Variants in MCUR1 observed in about 807,000 individuals in gnomAD.
MCUR1 encodes the protein mitochondrial calcium uniporter regulator 1.
A neutral mutation model predicts 42.0 loss-of-function variants in MCUR1; 37 were observed. The ratio of observed to expected loss-of-function variants is 0.88; its 90% CI spans 0.68 to 1.16. The LOEUF is 1.16. Ranked by LOEUF, MCUR1 falls within the 50% of genes most tolerant of loss-of-function variation. The pLI, the probability that MCUR1 is intolerant of heterozygous loss-of-function variation, is 0.00. For missense variants in MCUR1, 469 were observed against 468.4 expected (o/e 1.00, Z -0.01); for synonymous variants, 229 against 196.2 (o/e 1.17, Z -1.40).
chr6:13,801,821 C>A (rs765243891), intron 3 of MCUR1, among the ~76,000 whole-genome samples: 3 of 152,088 alleles, frequency 2.0e-5, no homozygotes, highest in Non-Finnish European at 4.4e-5. Flanking sequence ...CCACTGCACT[C>A]CAGCCTGGGC....
At chr6:13,811,406 G>A (rs977455225) in intron 1 of MCUR1, among the ~76,000 whole-genome samples, 1 of 152,086 alleles carries the variant, frequency 6.6e-6, no homozygotes, top group African/African-American at 2.4e-5. Flanking sequence ...CTGTCTAGAG[G>A]GAAAATTTGA....
chr6:13,800,288 TA>T (rs1759962095), intron 5 of MCUR1, 52 bp downstream of exon 5: 1 of 1,196,980 alleles, frequency 8.4e-7, no homozygotes, highest in African/African-American at 1.6e-5. Flanking sequence ...TTATACTTAT[TA>T]ATAAGTTTAT....
chr6:13,812,502 C>T (rs543085782), intron 1 of MCUR1, among the ~76,000 whole-genome samples: 1 of 152,270 alleles, frequency 6.6e-6, no homozygotes, highest in South Asian at 2.1e-4. Flanking sequence ...GAGAGAAAAA[C>T]AAATTGGAAA....
intron 1 of MCUR1, among the ~76,000 whole-genome samples, chr6:13,811,373 C>A (rs1364042927): frequency 6.6e-6 from 1 of 151,920 alleles, no homozygotes; most frequent in East Asian, 1.9e-4. Context: ...ACTGTAATGA[C>A]TTCTACAATC....
At chr6:13,810,281 A>T (rs1164985043) in intron 1 of MCUR1, among the ~76,000 whole-genome samples, 1 of 152,202 alleles carries the variant, frequency 6.6e-6, no homozygotes, top group African/African-American at 2.4e-5. Flanking sequence ...GAACTTTTAA[A>T]TATAGCTGCT....
chr6:13,793,125 C>CA (rs781438643), intron 7 of MCUR1, among the ~76,000 whole-genome samples: 15,352 of 87,720 alleles, frequency 0.18, 1,361 homozygotes, highest in East Asian at 0.34. Context: ...GACCCCACCT[C>CA]AAAAAAAAAA....
intron 5 of MCUR1, among the ~76,000 whole-genome samples, chr6:13,799,271 G>A (rs1024333067): frequency 2.7e-5 from 4 of 149,808 alleles, no homozygotes; most frequent in Non-Finnish European, 5.9e-5. Context: ...CGCAACTTCT[G>A]CCTCCTGCGT....
rs186612425 is a variant in MCUR1 at position 13,788,842 on chromosome 6, T to C, written c.*1967A>G. The C allele has an allele frequency of 8.5e-5, 13 of 152,376 alleles. No individual in the cohort carries two copies. The highest frequency in any genetic ancestry group is 1.0e-4 in the Non-Finnish European group (7 of 68,040). The allele number at this position is 152,376 out of a possible 1,614,324, so 9.4% of individuals were successfully genotyped here. ...GCAAAAGTACTTGATTTTCATACTA[T>C]ATGGAGCTCACAATCTTTGGACTAC... On this transcript the variant is annotated 3_prime_UTR_variant, in exon 9 of 9. Coordinates refer to ENST00000379170, the MANE Select transcript of MCUR1 (RefSeq NM_001031713.4).
rs1195296702 is a variant in MCUR1, at chr6:13,798,939, C to G, written c.784-35G>C. ...GGGCAAACAACAAAGAAGGAAAAATCCAAAGTAAGAAACCCAAACTCTATG... is the reference window on the plus strand; with the variant it reads ...GGGCAAACAACAAAGAAGGAAAAATGCAAAGTAAGAAACCCAAACTCTATG... On this transcript the variant is annotated intron_variant, in intron 5 of 8. Coordinates refer to ENST00000379170, the MANE Select transcript of MCUR1 (RefSeq NM_001031713.4). The G allele has an allele frequency of 2.3e-6, 3 of 1,328,498 alleles. No individual in the cohort carries two copies. The African/African-American group carries it at 4.3e-5, about 19-fold the overall frequency. The allele number at this position is 1,328,498 out of a possible 1,614,324, so 82.3% of individuals were successfully genotyped here.
In MCUR1 at chr6:13,786,759, TAC is replaced by T. The variant is rs1395476457; in HGVS notation, c.*4048_*4049del. The T allele has an allele frequency of 2.0e-5, 3 of 152,190 alleles. No individual in the cohort carries two copies. Among genetic ancestry groups the T allele is most frequent in the Admixed American group, 2.0e-4 (3 of 15,266 alleles). 9.4% of individuals were successfully genotyped at this position (152,190 alleles called of 1,614,324 possible). On this transcript the variant is annotated 3_prime_UTR_variant, in exon 9 of 9. Coordinates refer to ENST00000379170, the MANE Select transcript of MCUR1 (RefSeq NM_001031713.4). ...TAAATATTTTAGATAGTAAGAATCT[TAC>T]ACTTTATTAGATAATAAAACATAAT...
chr6:13,811,660 G>A (rs1024440079), intron 1 of MCUR1, among the ~76,000 whole-genome samples: 3 of 152,126 alleles, frequency 2.0e-5, no homozygotes, highest in African/African-American at 7.2e-5. Flanking sequence ...CTACTGGACT[G>A]CCCCATGTGT....
chr6:13,812,977 G>A (rs1044275779), intron 1 of MCUR1, among the ~76,000 whole-genome samples: 2 of 152,084 alleles, frequency 1.3e-5, no homozygotes, highest in African/African-American at 2.4e-5. Context: ...CAGGACAGAG[G>A]GGCACACACG....
At chr6:13,811,203 T>G (rs773782187) in intron 1 of MCUR1, among the ~76,000 whole-genome samples, 17 of 152,212 alleles carry the variant, frequency 1.1e-4, no homozygotes, top group Non-Finnish European at 1.3e-4. Flanking sequence ...TCAGTACAGA[T>G]AGCTCATCGT....
chr6:13,793,796 C>T (rs1280220837), intron 7 of MCUR1, 98 bp downstream of exon 7: 7 of 1,039,048 alleles, frequency 6.7e-6, no homozygotes, highest in Middle Eastern at 2.1e-4. Context: ...TGACAGTAAA[C>T]CTGCATGTAA....
intron 6 of MCUR1, among the ~76,000 whole-genome samples, chr6:13,795,443 T>C (rs1759835423): frequency 6.6e-6 from 1 of 152,222 alleles, no homozygotes; most frequent in South Asian, 2.1e-4. Context: ...TTATATGCCA[T>C]ACTGCTTTTG....
chr6:13,795,131 A>G (rs1275137406), intron 6 of MCUR1, among the ~76,000 whole-genome samples: 1 of 151,904 alleles, frequency 6.6e-6, no homozygotes, highest in Non-Finnish European at 1.5e-5. Context: ...TAGAAAAAAA[A>G]AAAAGAAAAA....
intron 6 of MCUR1, among the ~76,000 whole-genome samples, chr6:13,795,298 A>AT (rs1759832087): frequency 6.6e-6 from 1 of 152,204 alleles, no homozygotes; most frequent in African/African-American, 2.4e-5. Flanking sequence ...GTGGAACAAG[A>AT]TTTTGTGCAC....
At chr6:13,794,743 C>T (rs572731432) in intron 6 of MCUR1, among the ~76,000 whole-genome samples, 1 of 151,828 alleles carries the variant, frequency 6.6e-6, no homozygotes, top group South Asian at 2.1e-4. Flanking sequence ...CTCTGCCTCC[C>T]AGGTTCAAGC....
chr6:13,807,290 T>C (rs943642521), intron 1 of MCUR1, among the ~76,000 whole-genome samples: 2 of 152,210 alleles, frequency 1.3e-5, no homozygotes, highest in African/African-American at 4.8e-5. Context: ...CCCTTAGCTG[T>C]CACCTTCCAA....
Sources: gnomAD v4.1 joint callset for allele counts (sites outside exome capture counted in the v4.1 genomes callset) on GRCh38, gnomAD v4.1.1 for gene constraint, MANE v1.5 for transcripts, NCBI Gene and HGNC (gene_info 2026-07-23, HGNC 2026-07-21) for gene names.